The following COL25A1 variants were observed in gnomAD, a reference collection of about 807,000 sequenced individuals.
COL25A1 encodes collagen type XXV alpha 1 chain.
COL25A1 carries 103 observed loss-of-function variants against 128.4 expected under a neutral mutation model. The ratio of observed to expected loss-of-function variants is 0.80; its 90% CI spans 0.68 to 0.94. The LOEUF is 0.94. Ranked by LOEUF, COL25A1 falls within the 40% of genes least tolerant of loss-of-function variation. The pLI is 0.00. For missense variants in COL25A1, 745 were observed against 840.0 expected (o/e 0.89, Z 1.40); for synonymous variants, 279 against 277.2 (o/e 1.01, Z -0.06).
At chr4:109,111,609 T>C (rs1309898720) in intron 3 of COL25A1, among the ~76,000 whole-genome samples, 1 of 152,192 alleles carries the variant, frequency 6.6e-6, no homozygotes, top group Non-Finnish European at 1.5e-5. Context: ...CAGTGGATAA[T>C]GGCTGGACCT....
At chr4:108,896,562 T>C (rs1424448764) in intron 16 of COL25A1, 105 bp downstream of exon 16, 1 of 886,930 alleles carries the variant, frequency 1.1e-6, no homozygotes, top group Non-Finnish European at 1.9e-6. Flanking sequence ...GACCTTTTCA[T>C]ATTAAGCAAC....
At chr4:108,992,751 A>G (rs781374789) in intron 6 of COL25A1, among the ~76,000 whole-genome samples, 1 of 152,234 alleles carries the variant, frequency 6.6e-6, no homozygotes, top group Non-Finnish European at 1.5e-5. Flanking sequence ...CTCAGGGCTT[A>G]GGAACCTCAG....
chr4:108,835,632 G>A (rs2125737841), intron 31 of COL25A1, among the ~76,000 whole-genome samples: 1 of 151,724 alleles, frequency 6.6e-6, no homozygotes, highest in South Asian at 2.1e-4. Flanking sequence ...TTGGCTCACT[G>A]CAACCTCCAC....
chr4:109,108,187 C>T (rs867930982), intron 3 of COL25A1, among the ~76,000 whole-genome samples: 1 of 152,202 alleles, frequency 6.6e-6, no homozygotes, highest in South Asian at 2.1e-4. Context: ...CGGCTCCCCC[C>T]ACCCCACAAC....
chr4:109,201,074 A>C (rs1036049357), intron 3 of COL25A1, among the ~76,000 whole-genome samples: 1 of 152,166 alleles, frequency 6.6e-6, no homozygotes, highest in African/African-American at 2.4e-5. Flanking sequence ...GTCTCAATAC[A>C]TCAATGTCAT....
intron 6 of COL25A1, among the ~76,000 whole-genome samples, chr4:108,999,241 T>G (rs564489350): frequency 5.6e-5 from 1 of 17,984 alleles, no homozygotes; most frequent in South Asian, 3.0e-3. Flanking sequence ...ATATCCAGAA[T>G]CTACAAAAAA....
intron 5 of COL25A1, among the ~76,000 whole-genome samples, chr4:109,016,521 G>A (rs1418656889): frequency 2.0e-5 from 3 of 152,214 alleles, no homozygotes; most frequent in Non-Finnish European, 4.4e-5. Context: ...GCCAGTTCCA[G>A]GTCCAGGCCA....
At chr4:108,819,077 C>T (rs1364757047) in intron 36 of COL25A1, among the ~76,000 whole-genome samples, 175 bp downstream of exon 36, 3 of 152,150 alleles carry the variant, frequency 2.0e-5, no homozygotes, top group South Asian at 2.1e-4. Context: ...TTGATAGAAA[C>T]GCGTGCTTGC....
chr4:109,229,477 C>T lies in COL25A1; in HGVS notation c.367+71106G>A, dbSNP rs374518786. 5.9e-5 allele frequency among the ~76,000 whole-genome samples: 9 copies of T among 152,226 alleles called. 1 individual carries two copies. The East Asian group carries it at 1.4e-3, about 23-fold the overall frequency. ...TTAACATTGAACTTACTGCCAACAG[C>T]GTATTTAACTCATGCTTGAACAAAG... On this transcript the variant is annotated intron_variant, in intron 3 of 37. Coordinates refer to ENST00000399132, the MANE Select transcript of COL25A1 (RefSeq NM_198721.4).
intron 3 of COL25A1, among the ~76,000 whole-genome samples, chr4:109,160,037 G>C (rs1009694064): frequency 6.6e-6 from 1 of 152,050 alleles, no homozygotes; most frequent in Non-Finnish European, 1.5e-5. Flanking sequence ...AATAACAAAA[G>C]TTTGTAATTG....
intron 3 of COL25A1, among the ~76,000 whole-genome samples, chr4:109,118,068 G>C (rs1162385297): frequency 6.6e-6 from 1 of 151,448 alleles, no homozygotes; most frequent in Non-Finnish European, 1.5e-5. Context: ...TACCAAATAT[G>C]GTATAATCAC....
intron 8 of COL25A1, among the ~76,000 whole-genome samples, chr4:108,960,920 G>C (rs2125967350): frequency 6.9e-6 from 1 of 144,966 alleles, no homozygotes; most frequent in Non-Finnish European, 1.5e-5. Context: ...TGATTTCCTT[G>C]CATGTTAAGG....
At chr4:108,893,535 A>G (rs1179855153) in intron 16 of COL25A1, among the ~76,000 whole-genome samples, 1 of 152,162 alleles carries the variant, frequency 6.6e-6, no homozygotes, top group African/African-American at 2.4e-5. Flanking sequence ...GAGAAAACCC[A>G]GCCTAGTGGT....
At position 109,057,528 on chromosome 4, in the gene COL25A1, G is replaced by A. The variant is rs1195219672; in HGVS notation, c.368-7349C>T. ...AACTCCTGACTTCAGGTGACCTGCC[G>A]GCCTTTGCCTCCCAAAGTGCTGGGA... On this transcript the variant is annotated intron_variant, in intron 3 of 37. Transcript: ENST00000399132. 5.6e-5 allele frequency among the ~76,000 whole-genome samples: 8 copies of A among 141,716 alleles called. No homozygotes were observed. The South Asian group carries it at 7.0e-4, about 12-fold the overall frequency. The allele number at this position is 141,716 out of a possible 152,430, so 93.0% of individuals were successfully genotyped here. A position where few individuals can be genotyped will look rare whatever the true frequency, so the allele number is the denominator to read the frequency against.
intron 13 of COL25A1, among the ~76,000 whole-genome samples, chr4:108,906,898 C>T (rs919136119): frequency 4.6e-5 from 7 of 152,108 alleles, no homozygotes; most frequent in African/African-American, 1.7e-4. Flanking sequence ...ATGCATTAAG[C>T]CTACATGAAG....
chr4:109,049,289 T>C (rs1760766517), intron 4 of COL25A1, among the ~76,000 whole-genome samples: 1 of 152,214 alleles, frequency 6.6e-6, no homozygotes, highest in South Asian at 2.1e-4. Flanking sequence ...AATTACTTTA[T>C]CTTGCATGTA....
At chr4:108,940,279 G>C (rs1340932754) in intron 10 of COL25A1, among the ~76,000 whole-genome samples, 2 of 152,148 alleles carry the variant, frequency 1.3e-5, no homozygotes, top group Non-Finnish European at 2.9e-5. Flanking sequence ...CTGCCTCCAG[G>C]TGTCTCTTGT....
At chr4:109,188,189 A>T (rs1183063893) in intron 3 of COL25A1, among the ~76,000 whole-genome samples, 6 of 152,200 alleles carry the variant, frequency 3.9e-5, no homozygotes. Context: ...TCATACATAC[A>T]GGGACTACAA....
At chr4:108,862,918 G>A (rs1225844374) in intron 21 of COL25A1, among the ~76,000 whole-genome samples, 2 of 152,180 alleles carry the variant, frequency 1.3e-5, no homozygotes, top group African/African-American at 4.8e-5. Context: ...TTAGTTTGCA[G>A]AAAGTTTAAA....
Sources: allele counts gnomAD v4.1 joint callset (sites outside exome capture counted in the v4.1 genomes callset), GRCh38; gene constraint gnomAD v4.1.1; transcripts MANE v1.5; gene names NCBI Gene and HGNC (gene_info 2026-07-23, HGNC 2026-07-21).